The following ATP8A2 variants were observed in gnomAD, a reference collection of about 807,000 sequenced individuals.
ATP8A2 encodes phospholipid-transporting ATPase IB.
Under a neutral mutation model 165.6 loss-of-function variants are expected in ATP8A2, and 100 were observed. The ratio of observed to expected loss-of-function variants is 0.60; its 90% CI spans 0.51 to 0.71. The LOEUF (loss-of-function observed/expected upper bound fraction) is 0.71, where lower values mean the gene tolerates loss of function less well. ATP8A2 is among the 30% of genes least tolerant of loss of function. The pLI is 0.00. For missense variants in ATP8A2, 1,227 were observed against 1,479.5 expected (o/e 0.83, Z 2.80); for synonymous variants, 543 against 548.8 (o/e 0.99, Z 0.15).
At chr13:25,972,838 G>T (rs978660621) in intron 35 of ATP8A2, among the ~76,000 whole-genome samples, 5 of 152,066 alleles carry the variant, frequency 3.3e-5, no homozygotes, top group Non-Finnish European at 5.9e-5. Context: ...AACCGATGAC[G>T]GCGTGTAAGA....
intron 33 of ATP8A2, among the ~76,000 whole-genome samples, chr13:25,906,935 T>TTCCAACC (rs1953954555): frequency 6.6e-6 from 1 of 152,210 alleles, no homozygotes; most frequent in Admixed American, 6.5e-5. Flanking sequence ...CAACAAATGA[T>TTCCAACC]AGCTTTGAAA....
chr13:25,738,350 C>A (rs9578918), intron 25 of ATP8A2, among the ~76,000 whole-genome samples: 6,682 of 97,848 alleles, frequency 0.068, 195 homozygotes, highest in Middle Eastern at 0.11. Context: ...TCCCCCCCCC[C>A]CACACACACT....
At chr13:25,501,953 T>A (rs2137703556) in intron 2 of ATP8A2, among the ~76,000 whole-genome samples, 1 of 152,226 alleles carries the variant, frequency 6.6e-6, no homozygotes, top group Non-Finnish European at 1.5e-5. Flanking sequence ...GAGCAACCAT[T>A]GGAAAGACAT....
chr13:25,596,441 G>A (rs1190411302), intron 24 of ATP8A2, among the ~76,000 whole-genome samples: 1 of 152,072 alleles, frequency 6.6e-6, no homozygotes, highest in Non-Finnish European at 1.5e-5. Flanking sequence ...AAAAGTTCCA[G>A]CCCTCCATAT....
intron 23 of ATP8A2, among the ~76,000 whole-genome samples, chr13:25,585,512 T>C (rs2039896416): frequency 6.6e-6 from 1 of 152,186 alleles, no homozygotes; most frequent in East Asian, 1.9e-4. Flanking sequence ...TTTAAAGTCT[T>C]TCCCCCACCC....
intron 2 of ATP8A2, among the ~76,000 whole-genome samples, chr13:25,498,288 A>G (rs1429060081): frequency 1.3e-5 from 2 of 152,246 alleles, no homozygotes; most frequent in Admixed American, 6.5e-5. Context: ...TTGGATTTTC[A>G]GATAGTGGAT....
At chr13:26,003,075 C>A (rs550317666) in intron 35 of ATP8A2, among the ~76,000 whole-genome samples, 1 of 151,930 alleles carries the variant, frequency 6.6e-6, no homozygotes, top group Non-Finnish European at 1.5e-5. Context: ...TATGATAGTT[C>A]TATTTTTAAT....
intron 2 of ATP8A2, among the ~76,000 whole-genome samples, chr13:25,507,217 CTTTGTGTGTG>C (rs1354740033): frequency 2.4e-4 from 30 of 127,330 alleles, no homozygotes; most frequent in African/African-American, 9.4e-4. Context: ...TGGTACCATT[CTTTGTGTGTG>C]TGTGTGTGTG....
In ATP8A2 at chr13:25,666,073, G is replaced by C. The variant is rs148428683; in HGVS notation, c.2212-33100G>C. On this transcript the variant is annotated intron_variant, in intron 24 of 36. Transcript: ENST00000381655. ...AAAATGTTTACCCAGGGCAATGCTA[G>C]TTTACTTTCATGTATTCAAGTATTG... 3.0e-3 allele frequency among the ~76,000 whole-genome samples: 452 copies of C among 151,880 alleles called. 2 individuals are homozygous for C. Among genetic ancestry groups the C allele is most frequent in the African/African-American group, 8.7e-3 (362 of 41,434 alleles).
intron 24 of ATP8A2, among the ~76,000 whole-genome samples, chr13:25,607,502 C>G (rs894747955): frequency 2.0e-5 from 3 of 151,860 alleles, no homozygotes; most frequent in East Asian, 1.9e-4. Flanking sequence ...ATTGTTAAGT[C>G]AAAAAATCGT....
intron 24 of ATP8A2, among the ~76,000 whole-genome samples, chr13:25,597,764 T>A (rs1333123896): frequency 6.6e-6 from 1 of 152,238 alleles, no homozygotes; most frequent in Non-Finnish European, 1.5e-5. Context: ...ATGATAAATA[T>A]GTGTGGTATT....
chr13:25,535,484 G>A (rs935912557), intron 6 of ATP8A2, among the ~76,000 whole-genome samples: 2 of 152,096 alleles, frequency 1.3e-5, no homozygotes, highest in African/African-American at 4.8e-5. Flanking sequence ...TTCTTTGAGG[G>A]AGTATTGCAC....
At chr13:25,644,419 A>G (rs2041616744) in intron 24 of ATP8A2, among the ~76,000 whole-genome samples, 1 of 152,024 alleles carries the variant, frequency 6.6e-6, no homozygotes. Flanking sequence ...ATGCCACTTC[A>G]TCTTGGTGAA....
chr13:25,456,367 T>C (rs2035363835), intron 1 of ATP8A2, among the ~76,000 whole-genome samples: 1 of 152,232 alleles, frequency 6.6e-6, no homozygotes, highest in African/African-American at 2.4e-5. Flanking sequence ...TCTTGTTAAC[T>C]GGGAAGGCAG....
chr13:25,654,237 A>T (rs971472587), intron 24 of ATP8A2, among the ~76,000 whole-genome samples: 3 of 151,832 alleles, frequency 2.0e-5, no homozygotes, highest in Non-Finnish European at 2.9e-5. Context: ...ACAGGGTCTC[A>T]CTCTATTACC....
intron 33 of ATP8A2, among the ~76,000 whole-genome samples, chr13:25,935,207 A>G (rs996163720): frequency 3.9e-5 from 6 of 152,216 alleles, no homozygotes; most frequent in African/African-American, 1.4e-4. Context: ...TGCCTCCCTG[A>G]AGGACATGTT....
chr13:25,394,069 T>TA (rs891580535), intron 1 of ATP8A2, among the ~76,000 whole-genome samples: 6 of 152,220 alleles, frequency 3.9e-5, no homozygotes, highest in South Asian at 2.1e-4. Context: ...CTGGTTGTTT[T>TA]AAAAAAATGA....
chr13:25,656,877 A>T (rs541793481), intron 24 of ATP8A2, among the ~76,000 whole-genome samples: 4 of 151,548 alleles, frequency 2.6e-5, no homozygotes, highest in Admixed American at 6.6e-5. Context: ...ACATGGTGAA[A>T]CCCTGTCTCT....
intron 2 of ATP8A2, among the ~76,000 whole-genome samples, chr13:25,510,198 CACACACACACACACACACACACAG>C (rs1014045659): frequency 7.5e-5 from 9 of 120,780 alleles, no homozygotes; most frequent in South Asian, 5.1e-4. Context: ...CACACACACA[CACACACACACACACACACACACAG>C]AGAATGTTGA....
Sources: gnomAD v4.1 joint callset for allele counts (sites outside exome capture counted in the v4.1 genomes callset) on GRCh38, gnomAD v4.1.1 for gene constraint, MANE v1.5 for transcripts, NCBI Gene and HGNC (gene_info 2026-07-23, HGNC 2026-07-21) for gene names.